The following SLC22A15 variants were observed in gnomAD, a reference collection of about 807,000 sequenced individuals.
The protein encoded by SLC22A15 is flipt 1.
In SLC22A15, 45 loss-of-function variants were observed where a neutral mutation model predicts 62.7. That is an observed-to-expected ratio of 0.72 (90% CI 0.56 to 0.92). The LOEUF is 0.92. Ranked by LOEUF, SLC22A15 falls within the 40% of genes least tolerant of loss-of-function variation. The pLI, the probability that SLC22A15 is intolerant of heterozygous loss-of-function variation, is 0.00. For missense variants in SLC22A15, 622 were observed against 665.6 expected, an observed-to-expected ratio of 0.93 and a Z score of 0.72; for synonymous variants, 264 against 267.0, an observed-to-expected ratio of 0.99 and a Z score of 0.11.
intron 8 of SLC22A15, among the ~76,000 whole-genome samples, chr1:116,052,391 C>T (rs900323666): frequency 5.9e-5 from 9 of 152,220 alleles, no homozygotes; most frequent in South Asian, 2.1e-4. Flanking sequence ...ACAAAGCAGC[C>T]GGGAAGCTCG....
At position 116,038,549 on chromosome 1, in the gene SLC22A15, T is replaced by C. The variant is rs535772037; in HGVS notation, c.1171+1161T>C. 2.0e-5 allele frequency among the ~76,000 whole-genome samples: 3 copies of C among 152,350 alleles called. No homozygotes were observed. The East Asian group carries it at 5.8e-4, about 29-fold the overall frequency. On this transcript the variant is annotated intron_variant, in intron 8 of 11. Coordinates refer to ENST00000369503, the MANE Select transcript of SLC22A15 (RefSeq NM_018420.3). Reference sequence around the variant, plus strand: ...CTTTAAAATGATTTTCATAGAATCATGGAAACTAGAGAATTGAATAAATTT... The same window carrying C: ...CTTTAAAATGATTTTCATAGAATCACGGAAACTAGAGAATTGAATAAATTT...
intron 1 of SLC22A15, among the ~76,000 whole-genome samples, chr1:115,977,494 T>C (rs1654373090): frequency 6.6e-6 from 1 of 152,244 alleles, no homozygotes; most frequent in Non-Finnish European, 1.5e-5. Flanking sequence ...CCAACTTAAA[T>C]GGCTCATTTG....
At chr1:116,001,328 T>A (rs897936377) in intron 2 of SLC22A15, among the ~76,000 whole-genome samples, 10 of 152,188 alleles carry the variant, frequency 6.6e-5, no homozygotes, top group African/African-American at 2.2e-4. Flanking sequence ...GAGTTAAATG[T>A]GCTTGGTGTT....
At position 116,062,795 on chromosome 1, in the gene SLC22A15, C is replaced by T; in HGVS notation, c.1205C>T (p.Ser402Phe). Residue 402 changes from serine (S) to phenylalanine (F), a missense_variant, in exon 9 of 12, where the codon TCC becomes TTC. Coordinates refer to ENST00000369503, the MANE Select transcript of SLC22A15 (RefSeq NM_018420.3). The stretch of plus-strand genomic sequence containing the variant: ...GTGTTTGCAGTGGTGAACAGCCATT[C>T]CTTGTCCTTGCTGGGGAAGCTGACC... ...TGVFAVVNSH[S>F]LSLLGKLTIS... 6.2e-7 allele frequency: 1 copy of T among 1,613,908 alleles called. No homozygotes were observed. The highest frequency in any genetic ancestry group is 8.5e-7 in the Non-Finnish European group (1 of 1,179,826).
chr1:115,976,721 C>T lies in SLC22A15; in HGVS notation c.87+7C>T, dbSNP rs777099810. ...GCTGGCCGTGCTGCTGCAGGTAAGTCCCCGCGGCCCCGCAGCCGCATTTCC... is the reference window on the plus strand; with the variant it reads ...GCTGGCCGTGCTGCTGCAGGTAAGTTCCCGCGGCCCCGCAGCCGCATTTCC... On this transcript the variant is annotated splice_region_variant and intron_variant, in intron 1 of 11. Coordinates refer to ENST00000369503, the MANE Select transcript of SLC22A15 (RefSeq NM_018420.3). The T allele has an allele frequency of 4.4e-6, 7 of 1,574,176 alleles. No homozygotes were observed. The Admixed American group carries it at 8.8e-5, about 20-fold the overall frequency.
intron 5 of SLC22A15, chr1:116,027,305 T>C (rs559975247): frequency 1.6e-5 from 9 of 557,002 alleles, no homozygotes; most frequent in African/African-American, 1.3e-4. Flanking sequence ...TTTAACCTAA[T>C]ACCTCAACCT....
chr1:116,009,220 A>G (rs1656127741), intron 2 of SLC22A15, among the ~76,000 whole-genome samples: 2 of 152,092 alleles, frequency 1.3e-5, no homozygotes, highest in Admixed American at 1.3e-4. Context: ...TCTGTTTCAC[A>G]TGTTTAACAC....
chr1:116,023,857 T>C (rs1163121822), intron 4 of SLC22A15, among the ~76,000 whole-genome samples: 2 of 152,098 alleles, frequency 1.3e-5, no homozygotes, highest in African/African-American at 4.8e-5. Context: ...AAGTATATTC[T>C]AGCTAGATGG....
chr1:116,053,006 T>C (rs924490701), intron 8 of SLC22A15, among the ~76,000 whole-genome samples: 2 of 152,296 alleles, frequency 1.3e-5, no homozygotes, highest in Admixed American at 1.3e-4. Flanking sequence ...GTGCCTCTCC[T>C]CCTCCAAAGG....
chr1:116,019,076 G>T (rs1215243047), intron 2 of SLC22A15, among the ~76,000 whole-genome samples: 1 of 152,152 alleles, frequency 6.6e-6, no homozygotes, highest in African/African-American at 2.4e-5. Context: ...TAGTTCTTTT[G>T]GGTATATGCC....
intron 2 of SLC22A15, chr1:116,017,303 C>G (rs900879695): frequency 7.7e-6 from 1 of 129,414 alleles, no homozygotes; most frequent in Non-Finnish European, 1.5e-5. Flanking sequence ...GCTGGGGAGT[C>G]AAGGCTACAA....
intron 5 of SLC22A15, among the ~76,000 whole-genome samples, chr1:116,029,480 T>C (rs774685111): frequency 6.6e-6 from 1 of 152,190 alleles, no homozygotes. Context: ...AAAACGTGTC[T>C]TACTGTTTTG....
chr1:116,065,945 C>T (rs950499673), intron 10 of SLC22A15, among the ~76,000 whole-genome samples: 2 of 152,132 alleles, frequency 1.3e-5, no homozygotes, highest in Admixed American at 6.5e-5. Flanking sequence ...TTGCTTGTAT[C>T]ACCAGCCCTT....
intron 1 of SLC22A15, among the ~76,000 whole-genome samples, chr1:115,988,711 T>C (rs1305934580): frequency 1.3e-5 from 2 of 151,342 alleles, no homozygotes; most frequent in Non-Finnish European, 2.9e-5. Context: ...TTTTGTATTT[T>C]TAGTAGAGAC....
chr1:116,038,319 T>C (rs1657687582), intron 8 of SLC22A15, among the ~76,000 whole-genome samples: 1 of 152,220 alleles, frequency 6.6e-6, no homozygotes, highest in Non-Finnish European at 1.5e-5. Flanking sequence ...TGTCAGAGTA[T>C]ATCAGGTATT....
chr1:116,022,372 C>T (rs1656882448), intron 4 of SLC22A15, among the ~76,000 whole-genome samples: 3 of 150,134 alleles, frequency 2.0e-5, no homozygotes, highest in Middle Eastern at 3.4e-3. Flanking sequence ...CATGCCTGCT[C>T]CCTGTATCCA....
At chr1:116,013,892 T>C (rs1656399083) in intron 2 of SLC22A15, 2 of 152,328 alleles carry the variant, frequency 1.3e-5, no homozygotes, top group African/African-American at 4.8e-5. Context: ...CAGGCATCTA[T>C]ATCCAGCATG....
intron 5 of SLC22A15, among the ~76,000 whole-genome samples, chr1:116,029,080 CCCAGTACCAAAG>C (rs1464203219): frequency 1.3e-5 from 2 of 152,128 alleles, no homozygotes; most frequent in Admixed American, 1.3e-4. Flanking sequence ...TAACATTTTC[CCCAGTACCAAAG>C]CCAGGGGTTT....
At chr1:115,980,680 G>A (rs1351092849) in intron 1 of SLC22A15, among the ~76,000 whole-genome samples, 1 of 150,822 alleles carries the variant, frequency 6.6e-6, no homozygotes, top group Non-Finnish European at 1.5e-5. Context: ...AGAACATGGA[G>A]TAGAAAGATC....
Sources: gnomAD v4.1 joint callset for allele counts (sites outside exome capture counted in the v4.1 genomes callset) on GRCh38, gnomAD v4.1.1 for gene constraint, MANE v1.5 for transcripts, NCBI Gene and HGNC (gene_info 2026-07-23, HGNC 2026-07-21) for gene names.